C1QTNF7: variants seen among roughly 807,000 people sequenced by gnomAD.
C1QTNF7 encodes complement C1q tumor necrosis factor-related protein 7.
Under a neutral mutation model 19.6 loss-of-function variants are expected in C1QTNF7, and 15 were observed. The observed-to-expected ratio is 0.76, with a 90% confidence interval of 0.51 to 1.18. C1QTNF7 has a LOEUF of 1.18. Among genes scored for constraint, C1QTNF7 ranks in the 50% most tolerant of loss-of-function variants. The pLI is 0.00. For missense variants in C1QTNF7, 324 were observed against 359.7 expected (o/e 0.90, Z 0.80); for synonymous variants, 142 against 137.5 (o/e 1.03, Z -0.23).
At chr4:15,413,969 T>C (rs1719497452) in intron 1 of C1QTNF7, among the ~76,000 whole-genome samples, 1 of 152,218 alleles carries the variant, frequency 6.6e-6, no homozygotes, top group African/African-American at 2.4e-5. Flanking sequence ...GTCATCACAA[T>C]GTGTATTTAA....
At chr4:15,352,020 A>C (rs187098313) in intron 1 of C1QTNF7, among the ~76,000 whole-genome samples, 1 of 152,166 alleles carries the variant, frequency 6.6e-6, no homozygotes, top group South Asian at 2.1e-4. Context: ...CCAAAAGTGC[A>C]TCTACTGTAA....
rs141948013 is a variant in C1QTNF7 at position 15,350,328 on chromosome 4, A to G, written c.13+10121A>G. ...GAGGGAAGGGAGGGAAGGAAGGAGG[A>G]AAGAAAGGAGGGAGGGAGGGAGGGA... On this transcript the variant is annotated intron_variant, in intron 1 of 2. Transcript: ENST00000295297. Among the ~76,000 whole-genome samples the G allele has an allele frequency of 1.1e-3, 43 of 38,878 alleles. 4 individuals are homozygous for G. Among genetic ancestry groups the G allele is most frequent in the African/African-American group, 3.7e-3 (22 of 5,962 alleles). The allele number at this position is 38,878 out of a possible 152,430, so 25.5% of individuals were successfully genotyped here.
At chr4:15,393,984 G>T (rs1718685344) in intron 1 of C1QTNF7, among the ~76,000 whole-genome samples, 1 of 152,166 alleles carries the variant, frequency 6.6e-6, no homozygotes, top group Non-Finnish European at 1.5e-5. Context: ...GGGCAGAGGG[G>T]GTGTGTAGGG....
At chr4:15,393,239 G>C (rs1261693993) in intron 1 of C1QTNF7, among the ~76,000 whole-genome samples, 1 of 152,168 alleles carries the variant, frequency 6.6e-6, no homozygotes, top group Non-Finnish European at 1.5e-5. Flanking sequence ...GGAAATGTGA[G>C]TCCATTAAGC....
At chr4:15,439,109 A>G (rs1171945975) in intron 2 of C1QTNF7, among the ~76,000 whole-genome samples, 1 of 152,210 alleles carries the variant, frequency 6.6e-6, no homozygotes. Context: ...CTACCCAAGC[A>G]TATGTCTGAC....
intron 1 of C1QTNF7, among the ~76,000 whole-genome samples, chr4:15,431,834 G>T (rs1350595308): frequency 2.0e-5 from 3 of 152,048 alleles, no homozygotes; most frequent in Non-Finnish European, 4.4e-5. Context: ...GAAAAATATA[G>T]ATATAAAATA....
At chr4:15,434,011 A>T (rs1379564802) in intron 1 of C1QTNF7, among the ~76,000 whole-genome samples, 1 of 152,064 alleles carries the variant, frequency 6.6e-6, no homozygotes, top group East Asian at 1.9e-4. Flanking sequence ...TTTTCATCTG[A>T]AGCTCCTTTG....
intron 1 of C1QTNF7, among the ~76,000 whole-genome samples, chr4:15,368,721 T>C (rs980983980): frequency 2.0e-5 from 3 of 152,238 alleles, no homozygotes; most frequent in Admixed American, 6.5e-5. Context: ...TCCAAGTCTT[T>C]GCTATTGTGA....
At chr4:15,380,675 C>A (rs1280087627) in intron 1 of C1QTNF7, among the ~76,000 whole-genome samples, 2 of 152,210 alleles carry the variant, frequency 1.3e-5, no homozygotes, top group Admixed American at 1.3e-4. Context: ...TGGCTCACAT[C>A]TGTAATCCCA....
At chr4:15,436,389 G>A (rs936968911) in intron 2 of C1QTNF7, among the ~76,000 whole-genome samples, 7 of 152,242 alleles carry the variant, frequency 4.6e-5, no homozygotes, top group South Asian at 2.1e-4. Flanking sequence ...GACAGACAGA[G>A]AGATGGACAG....
At chr4:15,346,922 C>A (rs975147853) in intron 1 of C1QTNF7, among the ~76,000 whole-genome samples, 1 of 152,172 alleles carries the variant, frequency 6.6e-6, no homozygotes, top group African/African-American at 2.4e-5. Flanking sequence ...TCTTGGGCAT[C>A]CTTCTTCCTT....
At chr4:15,356,577 A>G (rs1717154430) in intron 1 of C1QTNF7, among the ~76,000 whole-genome samples, 1 of 152,120 alleles carries the variant, frequency 6.6e-6, no homozygotes, top group Admixed American at 6.5e-5. Flanking sequence ...ATGTGTCTTT[A>G]TAGTAGAATG....
At chr4:15,419,901 C>T (rs1711667921) in intron 1 of C1QTNF7, 2 of 152,118 alleles carry the variant, frequency 1.3e-5, no homozygotes, top group Non-Finnish European at 1.5e-5. Flanking sequence ...TATTAGAATC[C>T]TTGCCAGTGG....
chr4:15,397,521 T>C (rs1718830835), intron 1 of C1QTNF7, among the ~76,000 whole-genome samples: 1 of 152,226 alleles, frequency 6.6e-6, no homozygotes, highest in African/African-American at 2.4e-5. Context: ...AGTGTGCCTC[T>C]GCACCTCTGG....
At chr4:15,395,888 G>A (rs1434666565) in intron 1 of C1QTNF7, among the ~76,000 whole-genome samples, 10 of 152,136 alleles carry the variant, frequency 6.6e-5, no homozygotes, top group African/African-American at 2.4e-4. Flanking sequence ...GGAAGTAGAC[G>A]TTAAACCTCA....
intron 1 of C1QTNF7, among the ~76,000 whole-genome samples, chr4:15,379,236 G>A (rs1034464405): frequency 1.3e-5 from 2 of 152,170 alleles, no homozygotes; most frequent in East Asian, 1.9e-4. Flanking sequence ...GATGGGATTA[G>A]GAAATTGGAG....
chr4:15,442,806 C>A lies in C1QTNF7; in HGVS notation c.*7C>A. On this transcript the variant is annotated 3_prime_UTR_variant, in exon 3 of 3. Transcript: ENST00000444304. ...AGAAGATGATGAATTGTGATCAGGA[C>A]CAAGATCCCTGTGGTAAACACTCTG... The A allele has an allele frequency of 6.3e-7, 1 of 1,589,578 alleles. No homozygotes were observed.
chr4:15,373,176 G>C (rs1717796312), intron 1 of C1QTNF7, among the ~76,000 whole-genome samples: 1 of 152,236 alleles, frequency 6.6e-6, no homozygotes, highest in Non-Finnish European at 1.5e-5. Context: ...AAGGCCTGGT[G>C]AGGGCTCTGT....
chr4:15,426,303 C>T (rs1401904736), upstream of C1QTNF7, among the ~76,000 whole-genome samples: 2 of 152,228 alleles, frequency 1.3e-5, no homozygotes, highest in Admixed American at 1.3e-4. Flanking sequence ...CACTTCACCA[C>T]TGCTTCTAAG....
Sources: gnomAD v4.1 joint callset for allele counts (sites outside exome capture counted in the v4.1 genomes callset) on GRCh38, gnomAD v4.1.1 for gene constraint, MANE v1.5 for transcripts, NCBI Gene and HGNC (gene_info 2026-07-23, HGNC 2026-07-21) for gene names.